PARD3B: variants seen among roughly 807,000 people sequenced by gnomAD.
The protein encoded by PARD3B is partitioning defective 3 homolog B.
Under a neutral mutation model 130.2 loss-of-function variants are expected in PARD3B, and 103 were observed. That is an observed-to-expected ratio of 0.79 (90% CI 0.67 to 0.93). PARD3B has a LOEUF of 0.93. Among genes scored for constraint, PARD3B ranks in the 40% least tolerant of loss-of-function variants. The pLI, the probability that PARD3B is intolerant of heterozygous loss-of-function variation, is 0.00. For synonymous variants in PARD3B, 583 were observed against 553.2 expected (o/e 1.05, Z -0.76); for missense variants, 1,609 against 1,499.2 (o/e 1.07, Z -1.21).
intron 1 of PARD3B, among the ~76,000 whole-genome samples, chr2:204,552,238 T>C (rs145960931): frequency 6.6e-6 from 1 of 152,188 alleles, no homozygotes; most frequent in African/African-American, 2.4e-5. Flanking sequence ...TCAGCCACTC[T>C]TTGGTATCCA....
intron 2 of PARD3B, among the ~76,000 whole-genome samples, chr2:204,771,479 T>C (rs7605751): frequency 0.099 from 14,991 of 152,024 alleles, 1,374 homozygotes; most frequent in African/African-American, 0.25. Flanking sequence ...TGCTGTGTTT[T>C]ATGGACATAA....
At chr2:204,763,212 G>A (rs1008168105) in intron 2 of PARD3B, among the ~76,000 whole-genome samples, 22 of 152,144 alleles carry the variant, frequency 1.4e-4, no homozygotes, top group African/African-American at 3.4e-4. Flanking sequence ...ACTGCTTTCC[G>A]ATGTTGACAG....
intron 2 of PARD3B, among the ~76,000 whole-genome samples, chr2:204,784,372 G>A (rs2041938175): frequency 6.6e-6 from 1 of 151,826 alleles, no homozygotes. Context: ...CTATATTTTT[G>A]TTCGTTTTTG....
intron 4 of PARD3B, among the ~76,000 whole-genome samples, chr2:205,104,221 T>C (rs1247060961): frequency 1.3e-5 from 2 of 151,600 alleles, no homozygotes; most frequent in African/African-American, 2.4e-5. Context: ...GATGACCCAT[T>C]TGAGCATTTC....
rs1210102413 is a variant in PARD3B at position 205,550,799 on chromosome 2, T to C, written c.3181-2525T>C. Among the ~76,000 whole-genome samples, 3 of 149,858 alleles carry C rather than the reference T, an allele frequency of 2.0e-5. No individual in the cohort carries two copies. The highest frequency in any genetic ancestry group is 4.0e-4 in the East Asian group (2 of 4,994). On this transcript the variant is annotated intron_variant, in intron 21 of 22. Coordinates refer to ENST00000406610, the MANE Select transcript of PARD3B (RefSeq NM_001302769.2). The surrounding 1 kb of genome is among the most constrained non-coding windows in gnomAD (Gnocchi z 4.5). Reference sequence around the variant, plus strand: ...GTATATACATGCAAATATACAAATATATGCATATTTATATGTATATATGTA... The same window carrying C: ...GTATATACATGCAAATATACAAATACATGCATATTTATATGTATATATGTA...
intron 1 of PARD3B, among the ~76,000 whole-genome samples, chr2:204,578,786 C>T (rs2032397681): frequency 2.0e-5 from 3 of 152,032 alleles, no homozygotes; most frequent in African/African-American, 4.8e-5. Flanking sequence ...CCGGAGATCA[C>T]GGTTAAAATC....
At chr2:205,536,768 G>A (rs1211076468) in intron 21 of PARD3B, among the ~76,000 whole-genome samples, 1 of 152,110 alleles carries the variant, frequency 6.6e-6, no homozygotes, top group Non-Finnish European at 1.5e-5. Context: ...ATTACAAGAT[G>A]GAAGATTTTC....
At chr2:205,123,664 AAAAAAAAAAT>A (rs1166729230) in intron 8 of PARD3B, among the ~76,000 whole-genome samples, 2 of 96,322 alleles carry the variant, frequency 2.1e-5, no homozygotes, top group Non-Finnish European at 2.1e-5. Context: ...TTCAAAAAAA[AAAAAAAAAAT>A]AAGTGGTGGG....
chr2:205,498,677 A>G (rs777411130), intron 20 of PARD3B, among the ~76,000 whole-genome samples: 20 of 152,158 alleles, frequency 1.3e-4, no homozygotes, highest in Non-Finnish European at 2.6e-4. Context: ...CTAAAGCAAG[A>G]TGCTTTCTCA....
At chr2:205,429,029 T>G (rs2047238840) in intron 19 of PARD3B, among the ~76,000 whole-genome samples, 1 of 152,130 alleles carries the variant, frequency 6.6e-6, no homozygotes. Flanking sequence ...AATCAAAGGC[T>G]AAAGGTTAAG....
intron 1 of PARD3B, among the ~76,000 whole-genome samples, chr2:204,685,083 A>G (rs989836588): frequency 6.6e-6 from 1 of 152,172 alleles, no homozygotes; most frequent in Admixed American, 6.5e-5. Context: ...CTGTATGACA[A>G]CCATTTCTAT....
chr2:204,724,685 A>C (rs1195850351), intron 2 of PARD3B, among the ~76,000 whole-genome samples: 2 of 152,150 alleles, frequency 1.3e-5, no homozygotes, highest in Non-Finnish European at 2.9e-5. Flanking sequence ...TGGAGTGACT[A>C]TGGAAGTGGA....
chr2:205,192,080 G>T (rs1294805394), intron 14 of PARD3B, among the ~76,000 whole-genome samples: 2 of 152,050 alleles, frequency 1.3e-5, no homozygotes, highest in Non-Finnish European at 2.9e-5. Context: ...TTATTCATTT[G>T]GCAATACTAT....
rs1340471348 is a variant in PARD3B, at chr2:205,244,509, A to G, written c.2141-1269A>G. On this transcript the variant is annotated intron_variant, in intron 15 of 22. Coordinates refer to ENST00000406610, the MANE Select transcript of PARD3B (RefSeq NM_001302769.2). This position sits in a 1 kb window ranked among gnomAD's most constrained non-coding sequence, Gnocchi z 4.7. ...ATGTATTTTTCTGATATTAGTTAGTATCTGGGTAACACTAGCCTCATAGAG... is the reference window on the plus strand; with the variant it reads ...ATGTATTTTTCTGATATTAGTTAGTGTCTGGGTAACACTAGCCTCATAGAG... Among the ~76,000 whole-genome samples, 1 of 152,200 alleles carries G rather than the reference A, an allele frequency of 6.6e-6. No homozygotes were observed. The highest frequency in any genetic ancestry group is 2.4e-5 in the African/African-American group (1 of 41,452).
intron 2 of PARD3B, among the ~76,000 whole-genome samples, chr2:204,703,567 A>T (rs1473325640): frequency 6.6e-6 from 1 of 152,206 alleles, no homozygotes; most frequent in Admixed American, 6.5e-5. Context: ...AAATGATTTG[A>T]ATTTCAGGAG....
chr2:204,929,450 A>G (rs1280913231), intron 2 of PARD3B, among the ~76,000 whole-genome samples: 1 of 152,184 alleles, frequency 6.6e-6, no homozygotes, highest in Non-Finnish European at 1.5e-5. Context: ...ACTTAAATAC[A>G]GTTTGTAAAT....
At chr2:204,751,271 T>C (rs548356050) in intron 2 of PARD3B, among the ~76,000 whole-genome samples, 1 of 152,158 alleles carries the variant, frequency 6.6e-6, no homozygotes, top group South Asian at 2.1e-4. Flanking sequence ...CCAGGCTTGA[T>C]GGGATCTGAA....
chr2:204,639,483 G>A (rs751791891), intron 1 of PARD3B, among the ~76,000 whole-genome samples: 3 of 152,148 alleles, frequency 2.0e-5, no homozygotes, highest in East Asian at 1.9e-4. Context: ...AATGCAGATC[G>A]AAAATACTTG....
At chr2:205,324,473 T>C (rs2042868744) in intron 18 of PARD3B, among the ~76,000 whole-genome samples, 2 of 152,306 alleles carry the variant, frequency 1.3e-5, no homozygotes, top group East Asian at 1.9e-4. Context: ...AGAAAGTAAC[T>C]GAAATTTCCT....
Sources: allele counts gnomAD v4.1 joint callset (sites outside exome capture counted in the v4.1 genomes callset), GRCh38; gene constraint gnomAD v4.1.1; non-coding constraint Gnocchi (gnomAD v3.1); transcripts MANE v1.5; gene names NCBI Gene and HGNC (gene_info 2026-07-23, HGNC 2026-07-21).